FGF19: variants seen among roughly 807,000 people sequenced by gnomAD.
FGF19 encodes the protein FGF-19.
In FGF19, 5 loss-of-function variants were observed where a neutral mutation model predicts 8.9. The observed-to-expected ratio is 0.56, with a 90% CI of 0.29 to 1.18. The LOEUF (loss-of-function observed/expected upper bound fraction) is 1.18, where lower values mean the gene tolerates loss of function less well. FGF19 is among the 50% of genes most tolerant of loss of function. FGF19 has a pLI of 0.08. For missense variants in FGF19, 237 were observed against 293.9 expected (o/e 0.81, Z 1.42); for synonymous variants, 124 against 128.0 (o/e 0.97, Z 0.21).
rs377560349 is a variant in FGF19, at chr11:69,703,242, G to A, written c.336+19C>T. ...GCCGGTCCCCCGCCCCGGCGCATCCGCCCCGTGGGGACACTTACCAGCCCC... is the reference window on the plus strand; with the variant it reads ...GCCGGTCCCCCGCCCCGGCGCATCCACCCCGTGGGGACACTTACCAGCCCC... On this transcript the variant is annotated intron_variant, in intron 2 of 2. Transcript: ENST00000294312. The surrounding 1 kb of genome is among the most constrained non-coding windows in gnomAD (Gnocchi z 6.8). 1.4e-3 allele frequency: 2,186 copies of A among 1,554,684 alleles called. 4 individuals carry two copies. The highest frequency in any genetic ancestry group is 1.8e-3 in the Non-Finnish European group (2,064 of 1,142,236).
Position 69,703,500 on chromosome 11 carries a change from A to T in FGF19, c.233-136T>A. On this transcript the variant is annotated intron_variant, in intron 1 of 2. Transcript: ENST00000294312. The surrounding 1 kb of genome is among the most constrained non-coding windows in gnomAD (Gnocchi z 6.8). ...GACTAACGGAGGGATCCTAACGTCC[A>T]GGTGCCAAAACCTGGGGTTCCCAGG... The T allele has an allele frequency of 1.3e-6, 1 of 791,650 alleles. No individual in the cohort carries two copies. Among genetic ancestry groups the T allele is most frequent in the Non-Finnish European group, 1.9e-6 (1 of 532,412 alleles). The allele number at this position is 791,650 out of a possible 1,614,324, so 49.0% of individuals were successfully genotyped here.
rs1349296761 is a variant in FGF19 at position 69,699,592 on chromosome 11, G to A, written c.337-16C>T. The A allele has an allele frequency of 1.3e-6, 2 of 1,581,530 alleles. No homozygotes were observed. The highest frequency in any genetic ancestry group is 1.8e-5 in the Admixed American group (1 of 56,840). ...AGTACTGAAGCTGCAGAGAAAACAG[G>A]CAGCTCTGAGCAATCCACAGTGGAC... is the stretch of plus-strand genomic sequence containing the variant. On this transcript the variant is annotated splice_polypyrimidine_tract_variant and intron_variant, in intron 2 of 2. Coordinates refer to ENST00000294312, the MANE Select transcript of FGF19 (RefSeq NM_005117.3).
Position 69,703,229 on chromosome 11 carries a change from C to A in FGF19, c.336+32G>T. On this transcript the variant is annotated intron_variant, in intron 2 of 2. Transcript: ENST00000294312. The surrounding 1 kb of genome is among the most constrained non-coding windows in gnomAD (Gnocchi z 6.8). ...CCCGGGGACAGGCGCCGGTCCCCCG[C>A]CCCGGCGCATCCGCCCCGTGGGGAC... The A allele has an allele frequency of 5.4e-6, 8 of 1,477,622 alleles. No homozygotes were observed. Among genetic ancestry groups the A allele is most frequent in the Non-Finnish European group, 7.4e-6 (8 of 1,079,328 alleles). 91.5% of individuals were successfully genotyped at this position (1,477,622 alleles called of 1,614,324 possible).
Position 69,703,036 on chromosome 11 carries a change from G to C in FGF19, c.336+225C>G, listed in dbSNP as rs930198831. ...AATTGGAAATGCAAAGGCAGCTTTT[G>C]CCTATTCTCTGGCTGCTGGCTGAGA... is the stretch of plus-strand genomic sequence containing the variant. On this transcript the variant is annotated intron_variant, in intron 2 of 2. Transcript: ENST00000294312. The surrounding 1 kb of genome is among the most constrained non-coding windows in gnomAD (Gnocchi z 6.8). Among the ~76,000 whole-genome samples the C allele has an allele frequency of 2.2e-4, 34 of 152,338 alleles. No homozygotes were observed. Among genetic ancestry groups the C allele is most frequent in the Admixed American group, 7.8e-4 (12 of 15,300 alleles).
At position 69,699,461 on chromosome 11, in the gene FGF19, C is replaced by T. The variant is rs1476146331; in HGVS notation, c.452G>A (p.Arg151Gln). 4.3e-6 allele frequency: 7 copies of T among 1,614,140 alleles called. No individual in the cohort carries two copies. The highest frequency in any genetic ancestry group is 5.9e-6 in the Non-Finnish European group (7 of 1,179,986). The change falls in exon 3 of 3, where the codon CGG becomes CAG. Residue 151 changes from arginine (R) to glutamine (Q), a missense_variant. By Grantham distance (43) the Arg-to-Gln change is conservative. Transcript: ENST00000294312. ...LPVSLSSAKQ[R>Q]QLYKNRGFLP... ...AAAGCCTCTGTTCTTGTACAGCTGC[C>T]GCTGTTTGGCACTGCTCAGGGAGAC... is the stretch of plus-strand genomic sequence containing the variant.
In FGF19 at chr11:69,699,331, G is replaced by C. The variant is rs767740021; in HGVS notation, c.582C>G (p.Thr194=). 6 of 1,614,144 alleles carry C rather than the reference G, an allele frequency of 3.7e-6. No homozygotes were observed. The highest frequency in any genetic ancestry group is 4.2e-6 in the Non-Finnish European group (5 of 1,180,028). ...ESDMFSSPLE[T]DSMDPFGLVT... ...CAAGCCCAAATGGGTCCATGCTGTCGGTCTCCAGGGGCGAAGAGAACATGT... is the reference window on the plus strand; with the variant it reads ...CAAGCCCAAATGGGTCCATGCTGTCCGTCTCCAGGGGCGAAGAGAACATGT... Residue 194 remains threonine (T), a synonymous_variant, in exon 3 of 3, where the codon ACC becomes ACG. Coordinates refer to ENST00000294312, the MANE Select transcript of FGF19 (RefSeq NM_005117.3).
chr11:69,703,196 GGCCTCC>G lies in FGF19; in HGVS notation c.336+59_336+64del. 8.6e-7 allele frequency: 1 copy of G among 1,164,822 alleles called. No individual in the cohort carries two copies. Among genetic ancestry groups the G allele is most frequent in the Admixed American group, 2.2e-5 (1 of 45,404 alleles). 72.2% of individuals were successfully genotyped at this position (1,164,822 alleles called of 1,614,324 possible). On this transcript the variant is annotated intron_variant, in intron 2 of 2. Transcript: ENST00000294312. The surrounding 1 kb of genome is among the most constrained non-coding windows in gnomAD (Gnocchi z 6.8). ...CGAACCAGCGCCTTTCTCTCCTTCA[GGCCTCC>G]GCCCGGGGACAGGCGCCGGTCCCCC... is the stretch of plus-strand genomic sequence containing the variant.
Position 69,703,766 on chromosome 11 carries a change from G to A in FGF19, c.111C>T (p.Gly37=). The change falls in exon 1 of 3, where the codon GGC becomes GGT. Residue 37 remains glycine, a synonymous_variant. Coordinates refer to ENST00000294312, the MANE Select transcript of FGF19 (RefSeq NM_005117.3). The surrounding 1 kb of genome is among the most constrained non-coding windows in gnomAD (Gnocchi z 6.8). ...GCCGCAGGCGGATGGGGTCGCCCCA[G>A]CCGTAGTGCACGTGGGGCCCCGCGT... ...FSDAGPHVHY[G]WGDPIRLRHL... 1 of 1,234,984 alleles carries A rather than the reference G, an allele frequency of 8.1e-7. No homozygotes were observed. Among genetic ancestry groups the A allele is most frequent in the Non-Finnish European group, 1.0e-6 (1 of 989,244 alleles). 76.5% of individuals were successfully genotyped at this position (1,234,984 alleles called of 1,614,324 possible). A position where few individuals can be genotyped will look rare whatever the true frequency, so the allele number is the denominator to read the frequency against.
Position 69,703,182 on chromosome 11 carries a change from CT to C in FGF19, c.336+78del. The C allele has an allele frequency of 2.0e-6, 2 of 989,764 alleles. No homozygotes were observed. The highest frequency in any genetic ancestry group is 2.7e-5 in the East Asian group (1 of 36,786). The allele number at this position is 989,764 out of a possible 1,614,324, so 61.3% of individuals were successfully genotyped here. On this transcript the variant is annotated intron_variant, in intron 2 of 2. Transcript: ENST00000294312. This position sits in a 1 kb window ranked among gnomAD's most constrained non-coding sequence, Gnocchi z 6.8. ...GGAAACCCTGGATTCGAACCAGCGC[CT>C]TTCTCTCCTTCAGGCCTCCGCCCGG...
rs1854811605 is a variant in FGF19 at position 69,703,979 on chromosome 11, G to T, written c.-103C>A. On this transcript the variant is annotated 5_prime_UTR_variant, in exon 1 of 3. Transcript: ENST00000294312. This position sits in a 1 kb window ranked among gnomAD's most constrained non-coding sequence, Gnocchi z 6.8. ...GGGCTGTGAGTGCCGGGTTGGGATG[G>T]TCGTGGCCCTAGATCCTGGACGCAG... 4.4e-6 allele frequency: 3 copies of T among 681,558 alleles called. No homozygotes were observed. Among genetic ancestry groups the T allele is most frequent in the Admixed American group, 4.3e-5 (1 of 23,054 alleles). The allele number at this position is 681,558 out of a possible 1,614,324, so 42.2% of individuals were successfully genotyped here.
At chr11:69,701,435 A>G (rs986691154) in intron 2 of FGF19, among the ~76,000 whole-genome samples, 1 of 151,446 alleles carries the variant, frequency 6.6e-6, no homozygotes, top group Non-Finnish European at 1.5e-5. Context: ...CCTCATCTCT[A>G]CTAAAAATAC....
rs1854790207 is a variant in FGF19 at position 69,702,777 on chromosome 11, C to T, written c.336+484G>A. Among the ~76,000 whole-genome samples, 1 of 152,220 alleles carries T rather than the reference C, an allele frequency of 6.6e-6. No homozygotes were observed. Among genetic ancestry groups the T allele is most frequent in the South Asian group, 2.1e-4 (1 of 4,832 alleles). On this transcript the variant is annotated intron_variant, in intron 2 of 2. Transcript: ENST00000294312. The surrounding 1 kb of genome is among the most constrained non-coding windows in gnomAD (Gnocchi z 4.6). ...AAAAATCTCTCCTATCCCAAATGCA[C>T]TGTTTTCTGCCTTGCTTGACAATTG...
rs1854742459 is a variant in FGF19, at chr11:69,699,339, G to A, written c.574C>T (p.Leu192=). ...HLESDMFSSP[L]ETDSMDPFGL... is the part of the protein sequence containing the mutation. ...AATGGGTCCATGCTGTCGGTCTCCA[G>A]GGGCGAAGAGAACATGTCAGATTCC... Residue 192 remains leucine (L), a synonymous_variant, in exon 3 of 3, where the codon CTG becomes TTG. Transcript: ENST00000294312. 5 of 1,614,190 alleles carry A rather than the reference G, an allele frequency of 3.1e-6. No individual in the cohort carries two copies. Among genetic ancestry groups the A allele is most frequent in the Non-Finnish European group, 3.4e-6 (4 of 1,180,028 alleles).
chr11:69,700,477 C>T (rs1292743726), intron 2 of FGF19, among the ~76,000 whole-genome samples: 1 of 152,190 alleles, frequency 6.6e-6, no homozygotes, highest in Non-Finnish European at 1.5e-5. Flanking sequence ...GACATAACTC[C>T]TGGCATTTAA....
intron 2 of FGF19, among the ~76,000 whole-genome samples, chr11:69,699,809 G>C (rs796927091): frequency 1.6e-4 from 25 of 152,240 alleles, no homozygotes; most frequent in African/African-American, 5.5e-4. Context: ...TTTAAGGCCA[G>C]GCACAGTAGG....
intron 2 of FGF19, 134 bp from the exon 3 acceptor site, chr11:69,699,710 T>A (rs546479593): frequency 1.6e-6 from 1 of 623,936 alleles, no homozygotes; most frequent in South Asian, 2.0e-5. Flanking sequence ...TTGCATGTTT[T>A]ATACATACTT....
chr11:69,700,760 C>T (rs1264535271), intron 2 of FGF19, among the ~76,000 whole-genome samples: 1 of 100,698 alleles, frequency 9.9e-6, no homozygotes, highest in Non-Finnish European at 2.0e-5. Context: ...TCTCAGCAGC[C>T]CCTCCCCCAG....
At chr11:69,700,806 C>T (rs1048430762) in intron 2 of FGF19, among the ~76,000 whole-genome samples, 7 of 152,168 alleles carry the variant, frequency 4.6e-5, no homozygotes, top group Admixed American at 2.0e-4. Flanking sequence ...AGCTGGTGGC[C>T]GGAAATGTGT....
Position 69,699,210 on chromosome 11 carries a change from T to C in FGF19, c.*52A>G. The C allele has an allele frequency of 7.3e-7, 1 of 1,368,886 alleles. No homozygotes were observed. Among genetic ancestry groups the C allele is most frequent in the East Asian group, 2.3e-5 (1 of 43,234 alleles). The allele number at this position is 1,368,886 out of a possible 1,614,324, so 84.8% of individuals were successfully genotyped here. On this transcript the variant is annotated 3_prime_UTR_variant, in exon 3 of 3. Coordinates refer to ENST00000294312, the MANE Select transcript of FGF19 (RefSeq NM_005117.3). ...TCTTGTAGAAGCACGTCCCCCACGC[T>C]GCAGGTACCACAGCCCCTGGCAGCA... is the stretch of plus-strand genomic sequence containing the variant.
Sources: allele counts gnomAD v4.1 joint callset (sites outside exome capture counted in the v4.1 genomes callset), GRCh38; gene constraint gnomAD v4.1.1; non-coding constraint Gnocchi (gnomAD v3.1); transcripts MANE v1.5; gene names NCBI Gene and HGNC (gene_info 2026-07-23, HGNC 2026-07-21).